Variants in VOPP1 observed in about 807,000 individuals in gnomAD.
VOPP1 encodes the protein VOPP1 WW domain binding protein.
VOPP1 carries 8 observed loss-of-function variants against 23.5 expected under a neutral mutation model. The observed-to-expected ratio is 0.34, with a 90% CI of 0.20 to 0.61. The LOEUF (loss-of-function observed/expected upper bound fraction) is 0.61, where lower values mean the gene tolerates loss of function less well. Among genes scored for constraint, VOPP1 ranks in the 20% least tolerant of loss-of-function variants. The pLI, the probability that VOPP1 is intolerant of heterozygous loss-of-function variation, is 0.78. For synonymous variants in VOPP1, 83 were observed against 97.3 expected (o/e 0.85, Z 0.86); for missense variants, 174 against 238.1 (o/e 0.73, Z 1.77).
Position 55,473,000 on chromosome 7 carries a change from G to A in VOPP1, c.374C>T (p.Pro125Leu), listed in dbSNP as rs764672809. ...GPPYYTDPGGPGMNPVGNSMA... is the reference protein window; with the variant it reads ...GPPYYTDPGGLGMNPVGNSMA... ...GGAATTCCCGACAGGGTTCATCCCC[G>A]GTCCTCCTGGGTCGGTGTAATAGGG... Residue 125 changes from proline (P) to leucine (L), a missense_variant, in exon 5 of 5, where the codon CCG (proline) becomes CTG (leucine). Coordinates refer to ENST00000285279, the MANE Select transcript of VOPP1 (RefSeq NM_030796.5). 67 of 1,596,392 alleles carry A rather than the reference G, an allele frequency of 4.2e-5. No individual in the cohort carries two copies. The highest frequency in any genetic ancestry group is 3.7e-4 in the East Asian group (16 of 43,254).
chr7:55,552,341 G>A (rs776434526), intron 1 of VOPP1, among the ~76,000 whole-genome samples: 2 of 152,160 alleles, frequency 1.3e-5, no homozygotes, highest in Non-Finnish European at 2.9e-5. Flanking sequence ...TCAGACTATC[G>A]CAAAATGCTG....
chr7:55,468,395 G>A (rs748580564), downstream of VOPP1, among the ~76,000 whole-genome samples: 34 of 152,312 alleles, frequency 2.2e-4, no homozygotes, highest in Non-Finnish European at 4.4e-4. Context: ...AGTGGCCCAT[G>A]GTGGCAGTGC....
At chr7:55,468,615 G>C (rs374001724), downstream of VOPP1, among the ~76,000 whole-genome samples, 121 of 152,244 alleles carry the variant, frequency 7.9e-4, no homozygotes, top group African/African-American at 2.9e-3. Flanking sequence ...GGATGGGCTA[G>C]AGGATGGGCC....
intron 4 of VOPP1, among the ~76,000 whole-genome samples, chr7:55,454,132 A>T (rs2129002280): frequency 6.6e-6 from 1 of 152,318 alleles, no homozygotes; most frequent in East Asian, 1.9e-4. Context: ...AAACCAGGGT[A>T]TTTAGGATAG....
At chr7:55,494,764 A>C (rs1793831430) in intron 3 of VOPP1, among the ~76,000 whole-genome samples, 1 of 152,206 alleles carries the variant, frequency 6.6e-6, no homozygotes, top group African/African-American at 2.4e-5. Flanking sequence ...TAGGCCAAGA[A>C]CTTATTTTAA....
chr7:55,561,774 A>C, intron 1 of VOPP1: 1 of 514,304 alleles, frequency 1.9e-6, no homozygotes, highest in East Asian at 3.1e-5. Flanking sequence ...CAAACAAGCA[A>C]TTACAGTATC....
intron 1 of VOPP1, among the ~76,000 whole-genome samples, chr7:55,529,769 C>G (rs1322199776): frequency 6.6e-6 from 1 of 152,196 alleles, no homozygotes; most frequent in Admixed American, 6.5e-5. Flanking sequence ...CCAAGCAATA[C>G]TGATCTGCTT....
At chr7:55,449,767 A>C (rs2129001331) in intron 4 of VOPP1, among the ~76,000 whole-genome samples, 2 of 150,794 alleles carry the variant, frequency 1.3e-5, no homozygotes, top group East Asian at 2.0e-4. Context: ...GGAGCCCTCC[A>C]CCCCCGCACT....
intron 2 of VOPP1, among the ~76,000 whole-genome samples, chr7:55,511,692 G>C (rs1421085583): frequency 6.6e-6 from 1 of 152,136 alleles, no homozygotes; most frequent in Non-Finnish European, 1.5e-5. Context: ...GCAACCACTT[G>C]TCCCTCACCT....
At chr7:55,490,348 G>A (rs958228312) in intron 4 of VOPP1, among the ~76,000 whole-genome samples, 1 of 152,116 alleles carries the variant, frequency 6.6e-6, no homozygotes, top group African/African-American at 2.4e-5. Flanking sequence ...GTTAGGTGGG[G>A]TGTGGGGCTG....
chr7:55,516,657 A>G (rs995121627), intron 2 of VOPP1, among the ~76,000 whole-genome samples: 3 of 152,096 alleles, frequency 2.0e-5, no homozygotes, highest in African/African-American at 7.2e-5. Context: ...TCTCTACAAC[A>G]AGTTTGCAAC....
Position 55,535,470 on chromosome 7 carries a change from C to T in VOPP1, c.55-14340G>A, listed in dbSNP as rs139928456. 5.1e-3 allele frequency among the ~76,000 whole-genome samples: 772 copies of T among 152,256 alleles called. 5 individuals carry two copies. The highest frequency in any genetic ancestry group is 0.024 in the Middle Eastern group (7 of 294). ...CCAGGGAGTGTCCTTCTGGCCTGGC[C>T]GCCCCCACATGCCATTGGCTCTTCC... On this transcript the variant is annotated intron_variant, in intron 1 of 4. Coordinates refer to ENST00000285279, the MANE Select transcript of VOPP1 (RefSeq NM_030796.5).
intron 4 of VOPP1, among the ~76,000 whole-genome samples, chr7:55,459,664 T>C (rs1185531700): frequency 3.3e-5 from 5 of 152,162 alleles, no homozygotes; most frequent in African/African-American, 1.2e-4. Context: ...GCTATAGTTG[T>C]TCATAGTAAT....
chr7:55,478,231 T>C (rs1171509302), intron 4 of VOPP1, among the ~76,000 whole-genome samples: 2 of 152,230 alleles, frequency 1.3e-5, no homozygotes, highest in Non-Finnish European at 2.9e-5. Context: ...GATGATTATA[T>C]GGCACATGGC....
intron 1 of VOPP1, among the ~76,000 whole-genome samples, chr7:55,537,072 C>T (rs1796839599): frequency 6.6e-6 from 1 of 152,134 alleles, no homozygotes; most frequent in Non-Finnish European, 1.5e-5. Context: ...TGACGAGAAA[C>T]GCAATGCAGA....
chr7:55,536,885 C>T (rs1472504307), intron 1 of VOPP1, among the ~76,000 whole-genome samples: 1 of 152,074 alleles, frequency 6.6e-6, no homozygotes, highest in Non-Finnish European at 1.5e-5. Flanking sequence ...ATGTAAGTGC[C>T]CACAAATGCA....
At chr7:55,523,150 C>T (rs1399511684) in intron 1 of VOPP1, among the ~76,000 whole-genome samples, 1 of 152,096 alleles carries the variant, frequency 6.6e-6, no homozygotes, top group Admixed American at 6.5e-5. Flanking sequence ...CCCACTCTGC[C>T]CACCTCCAGC....
intron 1 of VOPP1, among the ~76,000 whole-genome samples, chr7:55,540,749 C>T (rs1048844665): frequency 1.3e-5 from 2 of 152,224 alleles, no homozygotes; most frequent in African/African-American, 2.4e-5. Flanking sequence ...CCGCTGCGGC[C>T]TCAACGCAGG....
At chr7:55,531,644 G>A (rs768174192) in intron 1 of VOPP1, among the ~76,000 whole-genome samples, 3 of 152,092 alleles carry the variant, frequency 2.0e-5, no homozygotes, top group Non-Finnish European at 2.9e-5. Context: ...GAGCCATCGC[G>A]CCCAGAAAAA....
Sources: allele counts gnomAD v4.1 joint callset (sites outside exome capture counted in the v4.1 genomes callset), GRCh38; gene constraint gnomAD v4.1.1; transcripts MANE v1.5; gene names NCBI Gene and HGNC (gene_info 2026-07-23, HGNC 2026-07-21).